LINGO2: variants seen among roughly 807,000 people sequenced by gnomAD.
LINGO2 encodes leucine rich repeat and Ig domain containing 2, also known as leucine-rich repeat and immunoglobulin-like domain-containing nogo receptor-interacting protein 2.
Under a neutral mutation model 30.6 loss-of-function variants are expected in LINGO2, and 14 were observed. That is an observed-to-expected ratio of 0.46 (90% CI 0.30 to 0.72). The LOEUF is 0.72. Ranked by LOEUF, LINGO2 falls within the 30% of genes least tolerant of loss-of-function variation. The probability of loss-of-function intolerance (pLI) is 0.07; values close to 1 mark genes in which losing one functional copy is unlikely to be tolerated. For missense variants in LINGO2, 729 were observed against 751.7 expected (o/e 0.97, Z 0.35); for synonymous variants, 317 against 288.5 (o/e 1.10, Z -1.00).
chr9:27,958,790 G>A (rs1819701858), intron 5 of LINGO2, among the ~76,000 whole-genome samples: 1 of 152,132 alleles, frequency 6.6e-6, no homozygotes, highest in African/African-American at 2.4e-5. Context: ...CTGCAATACA[G>A]TTCTCACAAA....
intron 4 of LINGO2, among the ~76,000 whole-genome samples, chr9:28,074,382 G>C (rs1458770444): frequency 2.0e-5 from 3 of 152,230 alleles, no homozygotes; most frequent in South Asian, 2.1e-4. Context: ...AGCATGTCTA[G>C]AATTCACTAG....
chr9:28,430,102 G>A (rs1376838734), intron 2 of LINGO2, among the ~76,000 whole-genome samples: 4 of 51,886 alleles, frequency 7.7e-5, no homozygotes, highest in East Asian at 1.3e-3. Flanking sequence ...TTCCACGCGC[G>A]CGCGCGCGTG....
chr9:28,963,549 C>CACACACACACACAA, the LINGO2 span, among the ~76,000 whole-genome samples: 41 of 150,380 alleles, frequency 2.7e-4, no homozygotes, highest in Non-Finnish European at 4.6e-4. Flanking sequence ...TGAATACACA[C>CACACACACACACAA]ACACACACAC....
chr9:29,038,916 CTT>C, the LINGO2 span, among the ~76,000 whole-genome samples: 1 of 152,122 alleles, frequency 6.6e-6, no homozygotes, highest in African/African-American at 2.4e-5. Flanking sequence ...TGTCTACTGA[CTT>C]TATAAATTGT....
chr9:29,079,133 C>T, the LINGO2 span, among the ~76,000 whole-genome samples: 1 of 138,906 alleles, frequency 7.2e-6, no homozygotes, highest in Non-Finnish European at 1.6e-5. Context: ...AGAGGACTAT[C>T]TATGTTGACA....
At chr9:28,690,394 C>T in the LINGO2 span, among the ~76,000 whole-genome samples, 1 of 152,060 alleles carries the variant, frequency 6.6e-6, no homozygotes, top group Non-Finnish European at 1.5e-5. Context: ...TTGTTTCCAG[C>T]TGCTAAACTT....
chr9:29,074,082 A>G, the LINGO2 span, among the ~76,000 whole-genome samples: 1 of 152,154 alleles, frequency 6.6e-6, no homozygotes, highest in Non-Finnish European at 1.5e-5. Context: ...TGAAGTTATT[A>G]TTAATCAATT....
At chr9:28,840,677 A>G in the LINGO2 span, among the ~76,000 whole-genome samples, 1 of 151,918 alleles carries the variant, frequency 6.6e-6, no homozygotes, top group Admixed American at 6.5e-5. Flanking sequence ...TCACCAAATA[A>G]AAGTTAATTA....
intron 1 of LINGO2, among the ~76,000 whole-genome samples, chr9:28,559,596 C>T (rs950589496): frequency 1.2e-4 from 19 of 152,084 alleles, no homozygotes; most frequent in African/African-American, 3.9e-4. Flanking sequence ...CTTGACCAAA[C>T]ACTGTGTAAT....
At chr9:28,861,973 G>C in the LINGO2 span, among the ~76,000 whole-genome samples, 10 of 152,012 alleles carry the variant, frequency 6.6e-5, no homozygotes, top group Non-Finnish European at 1.3e-4. Context: ...ATTATCTTAA[G>C]AAAAAATATT....
intron 4 of LINGO2, among the ~76,000 whole-genome samples, chr9:28,123,635 A>G (rs938378684): frequency 1.3e-5 from 2 of 152,070 alleles, no homozygotes; most frequent in Non-Finnish European, 2.9e-5. Context: ...ACCCTTCTAT[A>G]AAAAAGGAAC....
chr9:28,207,543 A>G (rs1820449314), intron 4 of LINGO2, among the ~76,000 whole-genome samples: 1 of 152,122 alleles, frequency 6.6e-6, no homozygotes, highest in Non-Finnish European at 1.5e-5. Flanking sequence ...CCTCACAGAG[A>G]GTAAAAAAAG....
At chr9:28,889,782 C>T in the LINGO2 span, among the ~76,000 whole-genome samples, 129,088 of 151,644 alleles carry the variant, frequency 0.85, 55,112 homozygotes, top group Non-Finnish European at 0.89. Context: ...CTAGCTCTAA[C>T]GTTCTAAGAA....
At chr9:28,363,482 C>T in intron 3 of LINGO2, among the ~76,000 whole-genome samples, 1 of 152,108 alleles carries the variant, frequency 6.6e-6, no homozygotes, top group East Asian at 1.9e-4. Flanking sequence ...TGATAATAAG[C>T]CTTCAGGTAA....
intron 4 of LINGO2, among the ~76,000 whole-genome samples, chr9:28,274,666 G>A (rs775166163): frequency 3.3e-5 from 5 of 152,308 alleles, no homozygotes; most frequent in African/African-American, 1.2e-4. Flanking sequence ...AAGATAAAGT[G>A]TGGCTAAATA....
chr9:28,354,450 C>T (rs556998421), intron 3 of LINGO2, among the ~76,000 whole-genome samples: 3 of 152,206 alleles, frequency 2.0e-5, no homozygotes, highest in South Asian at 2.1e-4. Context: ...TATGTAATAG[C>T]GTTAGGTGTT....
the LINGO2 span, among the ~76,000 whole-genome samples, chr9:28,726,765 T>C: frequency 6.6e-6 from 1 of 152,252 alleles, no homozygotes; most frequent in Admixed American, 6.5e-5. Context: ...TTACATTTTC[T>C]GACCATGATG....
intron 5 of LINGO2, among the ~76,000 whole-genome samples, chr9:27,960,152 C>T (rs114658195): frequency 0.017 from 2,573 of 151,950 alleles, 27 homozygotes; most frequent in African/African-American, 0.029. Flanking sequence ...TTCAAGAGAA[C>T]GACAGGAACA....
intron 1 of LINGO2, among the ~76,000 whole-genome samples, chr9:28,497,548 T>C (rs978005487): frequency 6.6e-5 from 10 of 152,172 alleles, no homozygotes; most frequent in Non-Finnish European, 1.3e-4. Flanking sequence ...GTTATTCTAG[T>C]TAGTCATTCG....
Sources: allele counts gnomAD v4.1 joint callset (sites outside exome capture counted in the v4.1 genomes callset), GRCh38; gene constraint gnomAD v4.1.1; transcripts MANE v1.5; gene names NCBI Gene and HGNC (gene_info 2026-07-23, HGNC 2026-07-21).